The following FMN1 variants were observed in gnomAD, a reference collection of about 807,000 sequenced individuals.
The protein encoded by FMN1 is formin 1, also known as formin-1.
In FMN1, 110 loss-of-function variants were observed where a neutral mutation model predicts 132.4. The ratio of observed to expected loss-of-function variants is 0.83; its 90% CI spans 0.71 to 0.97. FMN1 has a LOEUF of 0.97. FMN1 is among the 50% of genes least tolerant of loss of function. The pLI is 0.00. For synonymous variants in FMN1, 722 were observed against 651.7 expected, an observed-to-expected ratio of 1.11 and a Z score of -1.64; for missense variants, 1,792 against 1,705.3, an observed-to-expected ratio of 1.05 and a Z score of -0.90.
At chr15:32,846,606 T>C (rs543085942) in intron 17 of FMN1, among the ~76,000 whole-genome samples, 20 of 152,318 alleles carry the variant, frequency 1.3e-4, no homozygotes, top group African/African-American at 4.6e-4. Flanking sequence ...TTTTACACTG[T>C]TGGTGGGAAT....
chr15:32,889,471 A>G (rs1032427843), intron 15 of FMN1, among the ~76,000 whole-genome samples: 7 of 152,144 alleles, frequency 4.6e-5, no homozygotes, highest in African/African-American at 9.7e-5. Flanking sequence ...TTTACAAGGC[A>G]CTTTATGATC....
chr15:32,868,776 A>G (rs184874231), intron 16 of FMN1, among the ~76,000 whole-genome samples: 97 of 152,142 alleles, frequency 6.4e-4, no homozygotes, highest in African/African-American at 2.3e-3. Context: ...CGGGTTCCAT[A>G]AACATTCATA....
At chr15:32,869,004 A>G (rs1596131517) in intron 16 of FMN1, among the ~76,000 whole-genome samples, 1 of 152,332 alleles carries the variant, frequency 6.6e-6, no homozygotes, top group East Asian at 1.9e-4. Flanking sequence ...AGTAGCCAGG[A>G]AAGGCTCTCC....
chr15:32,867,640 CTCCCTGT>C (rs968523001), intron 16 of FMN1, among the ~76,000 whole-genome samples: 2 of 152,084 alleles, frequency 1.3e-5, no homozygotes, highest in African/African-American at 4.8e-5. Context: ...CTGCCCCCCG[CTCCCTGT>C]GCAAAGGCTA....
chr15:33,095,497 C>A (rs1485635491), intron 4 of FMN1, among the ~76,000 whole-genome samples: 1 of 152,092 alleles, frequency 6.6e-6, no homozygotes, highest in African/African-American at 2.4e-5. Flanking sequence ...CTGTGCTCAG[C>A]AATCCTCCTG....
At chr15:32,851,812 A>G (rs1419304036) in intron 17 of FMN1, among the ~76,000 whole-genome samples, 1 of 152,224 alleles carries the variant, frequency 6.6e-6, no homozygotes, top group African/African-American at 2.4e-5. Flanking sequence ...TTAAATCATC[A>G]TGATTGTTAG....
chr15:32,947,222 T>C (rs2061529074), intron 9 of FMN1, among the ~76,000 whole-genome samples: 1 of 152,132 alleles, frequency 6.6e-6, no homozygotes, highest in South Asian at 2.1e-4. Context: ...GGATCCATTT[T>C]CCTTTTTTTG....
chr15:33,159,152 A>T (rs1334448586), intron 3 of FMN1, among the ~76,000 whole-genome samples: 1 of 152,252 alleles, frequency 6.6e-6, no homozygotes, highest in Non-Finnish European at 1.5e-5. Context: ...ACTGCACTCC[A>T]GCGTGGGTGA....
At chr15:32,803,474 TGAGA>T (rs986878383) in intron 18 of FMN1, among the ~76,000 whole-genome samples, 11 of 152,134 alleles carry the variant, frequency 7.2e-5, no homozygotes, top group African/African-American at 2.7e-4. Context: ...TGATATCTAT[TGAGA>T]GAGTGAGCGA....
chr15:33,166,309 T>G (rs892117126), intron 3 of FMN1, among the ~76,000 whole-genome samples: 1 of 145,392 alleles, frequency 6.9e-6, no homozygotes, highest in African/African-American at 2.7e-5. Flanking sequence ...CCACTGGCAC[T>G]CACTTTTTCT....
chr15:33,150,772 A>AAAT, intron 4 of FMN1: 2 of 985,932 alleles, frequency 2.0e-6, no homozygotes, highest in Non-Finnish European at 2.4e-6. Flanking sequence ...ACTTCAATAA[A>AAAT]AATACCTAGA....
chr15:33,160,132 C>T (rs545929550), intron 3 of FMN1, among the ~76,000 whole-genome samples: 5 of 152,102 alleles, frequency 3.3e-5, no homozygotes, highest in Non-Finnish European at 7.4e-5. Flanking sequence ...CCTGAATTAA[C>T]CCCAGCCTGT....
intron 17 of FMN1, among the ~76,000 whole-genome samples, chr15:32,840,343 G>A (rs908492771): frequency 3.9e-5 from 6 of 152,146 alleles, no homozygotes; most frequent in African/African-American, 1.4e-4. Flanking sequence ...ATATTCCCAG[G>A]AGGAGCCATG....
chr15:33,150,232 G>A (rs1964389096), intron 4 of FMN1: 1 of 985,324 alleles, frequency 1.0e-6, no homozygotes, highest in African/African-American at 1.7e-5. Flanking sequence ...AGGAATCCTA[G>A]CACCAAGCTC....
chr15:32,847,397 A>T (rs537929018), intron 17 of FMN1, among the ~76,000 whole-genome samples: 1 of 152,174 alleles, frequency 6.6e-6, no homozygotes, highest in Non-Finnish European at 1.5e-5. Flanking sequence ...AACCACTACC[A>T]TCTCTCTTCC....
intron 9 of FMN1, among the ~76,000 whole-genome samples, chr15:32,932,474 A>C (rs1048573143): frequency 3.3e-5 from 5 of 152,154 alleles, no homozygotes; most frequent in African/African-American, 1.2e-4. Flanking sequence ...CTTTTCTTGT[A>C]ATGTCTTTGG....
chr15:33,088,245 GGTT>G (rs1315753231), intron 5 of FMN1, among the ~76,000 whole-genome samples: 2 of 152,092 alleles, frequency 1.3e-5, no homozygotes, highest in African/African-American at 4.8e-5. Context: ...AAACTGCAGA[GGTT>G]ATTAAAAGTG....
intron 17 of FMN1, among the ~76,000 whole-genome samples, chr15:32,837,504 T>TA (rs535398865): frequency 6.6e-6 from 1 of 152,120 alleles, no homozygotes; most frequent in Non-Finnish European, 1.5e-5. Flanking sequence ...ACCCCAGTGA[T>TA]AAGGCAAGGG....
intron 19 of FMN1, among the ~76,000 whole-genome samples, chr15:32,793,061 T>C (rs2057147062): frequency 6.6e-6 from 1 of 152,162 alleles, no homozygotes; most frequent in African/African-American, 2.4e-5. Context: ...ACGTAAATCA[T>C]TCTTTTAAAA....
Sources: allele counts gnomAD v4.1 joint callset (sites outside exome capture counted in the v4.1 genomes callset), GRCh38; gene constraint gnomAD v4.1.1; transcripts MANE v1.5; gene names NCBI Gene and HGNC (gene_info 2026-07-23, HGNC 2026-07-21).